Variants in YAF2 observed in about 807,000 individuals in gnomAD.
YAF2 encodes the protein YY1 associated factor 2, also known as YY1-associated factor 2.
Under a neutral mutation model 20.1 loss-of-function variants are expected in YAF2, and 7 were observed. The observed-to-expected ratio is 0.35, with a 90% confidence interval of 0.20 to 0.65. The LOEUF (loss-of-function observed/expected upper bound fraction) is 0.65. Ranked by LOEUF, YAF2 falls within the 30% of genes least tolerant of loss-of-function variation. The pLI, the probability that YAF2 is intolerant of heterozygous loss-of-function variation, is 0.69. For synonymous variants in YAF2, 74 were observed against 76.0 expected, an observed-to-expected ratio of 0.97 and a Z score of 0.14; for missense variants, 151 against 219.2, an observed-to-expected ratio of 0.69 and a Z score of 1.96.
chr12:42,226,744 A>G (rs1178337551), intron 2 of YAF2, among the ~76,000 whole-genome samples: 1 of 152,266 alleles, frequency 6.6e-6, no homozygotes, highest in East Asian at 1.9e-4. Context: ...ATTTTTACAA[A>G]CATAGTGTTC....
intron 2 of YAF2, among the ~76,000 whole-genome samples, chr12:42,185,798 G>A (rs1213582431): frequency 1.3e-5 from 2 of 152,166 alleles, no homozygotes; most frequent in Non-Finnish European, 1.5e-5. Context: ...ACTTTTATAT[G>A]AACTAGGAAA....
chr12:42,182,671 G>A (rs1175871987), intron 2 of YAF2, among the ~76,000 whole-genome samples: 3 of 152,144 alleles, frequency 2.0e-5, no homozygotes, highest in African/African-American at 4.8e-5. Flanking sequence ...CACTCAATGA[G>A]GTCAGAACGG....
rs138818732 is a variant in YAF2, at chr12:42,215,096, T to A, written c.152+22503A>T. Reference sequence around the variant, plus strand: ...TAACTCCATTACCTAGCCCAGCACCTGTCTCAAAATACCATTTTAATGTTT... The same window carrying A: ...TAACTCCATTACCTAGCCCAGCACCAGTCTCAAAATACCATTTTAATGTTT... On this transcript the variant is annotated intron_variant, in intron 2 of 3. Coordinates refer to ENST00000534854, the MANE Select transcript of YAF2 (RefSeq NM_005748.6). 2.0e-5 allele frequency among the ~76,000 whole-genome samples: 3 copies of A among 152,344 alleles called. No homozygotes were observed. In the East Asian group the frequency reaches 5.8e-4, roughly 29 times the overall value.
At chr12:42,203,603 GT>G (rs1158331491) in intron 2 of YAF2, among the ~76,000 whole-genome samples, 1 of 151,802 alleles carries the variant, frequency 6.6e-6, no homozygotes, top group Non-Finnish European at 1.5e-5. Flanking sequence ...ACTTTAATGG[GT>G]ATTGAGTTTT....
intron 2 of YAF2, among the ~76,000 whole-genome samples, chr12:42,184,825 T>C (rs1488846373): frequency 6.6e-6 from 1 of 152,164 alleles, no homozygotes; most frequent in African/African-American, 2.4e-5. Context: ...CATGGATGAC[T>C]GAATGGTTCA....
chr12:42,198,800 T>C (rs1480239593), intron 2 of YAF2, among the ~76,000 whole-genome samples: 1 of 152,060 alleles, frequency 6.6e-6, no homozygotes, highest in Non-Finnish European at 1.5e-5. Context: ...TGAGGTGCCT[T>C]TATTGAAGAG....
chr12:42,230,370 A>G (rs752062859), intron 2 of YAF2, among the ~76,000 whole-genome samples: 1 of 152,238 alleles, frequency 6.6e-6, no homozygotes, highest in Non-Finnish European at 1.5e-5. Flanking sequence ...TGGGATAAGC[A>G]GCAGGAAATG....
chr12:42,186,648 G>T (rs949232869), intron 2 of YAF2, among the ~76,000 whole-genome samples: 1 of 151,852 alleles, frequency 6.6e-6, no homozygotes. Flanking sequence ...TTGCACTCTA[G>T]CATGGGTGAC....
chr12:42,193,268 T>C (rs889939915), intron 2 of YAF2, among the ~76,000 whole-genome samples: 2 of 151,168 alleles, frequency 1.3e-5, no homozygotes, highest in Non-Finnish European at 2.9e-5. Flanking sequence ...TGAACCGAGA[T>C]TGCGCTGCTG....
intron 2 of YAF2, among the ~76,000 whole-genome samples, chr12:42,176,391 G>T (rs914525518): frequency 6.6e-6 from 1 of 151,996 alleles, no homozygotes; most frequent in Non-Finnish European, 1.5e-5. Flanking sequence ...AAAGTGCTGG[G>T]ATTACAGGGG....
Position 42,160,314 on chromosome 12 carries a change from G to A in YAF2, c.*275C>T, listed in dbSNP as rs2065772381. On this transcript the variant is annotated 3_prime_UTR_variant, in exon 4 of 4. Coordinates refer to ENST00000534854, the MANE Select transcript of YAF2 (RefSeq NM_005748.6). ...TGTGTTAGAATTCACTAAACTAAAA[G>A]TGAAAATACACTTACCAATAACACT... 1 of 332,550 alleles carries A rather than the reference G, an allele frequency of 3.0e-6. No individual in the cohort carries two copies. The highest frequency in any genetic ancestry group is 4.5e-5 in the Admixed American group (1 of 22,240). The allele number at this position is 332,550 out of a possible 1,614,324, so 20.6% of individuals were successfully genotyped here. A position where few individuals can be genotyped will look rare whatever the true frequency, so the allele number is the denominator to read the frequency against.
intron 2 of YAF2, among the ~76,000 whole-genome samples, chr12:42,173,192 A>G (rs1327109146): frequency 1.3e-5 from 2 of 152,214 alleles, no homozygotes; most frequent in African/African-American, 2.4e-5. Flanking sequence ...CCTGGGCTCA[A>G]GAGATCTTTC....
intron 2 of YAF2, among the ~76,000 whole-genome samples, chr12:42,202,779 C>A (rs1255263340): frequency 6.6e-6 from 1 of 152,118 alleles, no homozygotes; most frequent in East Asian, 1.9e-4. Flanking sequence ...GCTGGGATTA[C>A]AGGCACATGC....
chr12:42,163,431 G>A (rs2065842778), intron 2 of YAF2, among the ~76,000 whole-genome samples: 1 of 152,206 alleles, frequency 6.6e-6, no homozygotes, highest in African/African-American at 2.4e-5. Context: ...GTAAAAATGT[G>A]AGACTAGTGG....
rs919565201 is a variant in YAF2, at chr12:42,159,070, G to C, written c.*1519C>G. 1.3e-5 allele frequency: 2 copies of C among 152,048 alleles called. No homozygotes were observed. Among genetic ancestry groups the C allele is most frequent in the Non-Finnish European group, 1.5e-5 (1 of 67,972 alleles). 9.4% of individuals were successfully genotyped at this position (152,048 alleles called of 1,614,324 possible). On this transcript the variant is annotated 3_prime_UTR_variant, in exon 4 of 4. Coordinates refer to ENST00000534854, the MANE Select transcript of YAF2 (RefSeq NM_005748.6). ...AATGTTTTAATCACAGACTTTTACTGTATGCAATTAATTGTATTTCACAAC... is the reference window on the plus strand; with the variant it reads ...AATGTTTTAATCACAGACTTTTACTCTATGCAATTAATTGTATTTCACAAC...
At chr12:42,229,713 T>C (rs2067920237) in intron 2 of YAF2, among the ~76,000 whole-genome samples, 1 of 152,264 alleles carries the variant, frequency 6.6e-6, no homozygotes, top group African/African-American at 2.4e-5. Flanking sequence ...CTAGGCTATA[T>C]GGTAGAGCCT....
intron 2 of YAF2, among the ~76,000 whole-genome samples, chr12:42,197,032 C>A (rs2137133555): frequency 6.6e-6 from 1 of 152,340 alleles, no homozygotes; most frequent in East Asian, 1.9e-4. Flanking sequence ...AAGTACTTCA[C>A]ATTTCATTGT....
At chr12:42,188,358 T>C (rs1046849688) in intron 2 of YAF2, among the ~76,000 whole-genome samples, 2 of 151,656 alleles carry the variant, frequency 1.3e-5, no homozygotes, top group Non-Finnish European at 2.9e-5. Context: ...CTATATGCTC[T>C]GAACTTTGAA....
intron 2 of YAF2, among the ~76,000 whole-genome samples, chr12:42,165,358 A>G (rs986960149): frequency 3.3e-5 from 5 of 152,224 alleles, no homozygotes; most frequent in African/African-American, 1.2e-4. Flanking sequence ...CGACTTCATT[A>G]AGCATTTTAT....
Sources: gnomAD v4.1 joint callset for allele counts (sites outside exome capture counted in the v4.1 genomes callset) on GRCh38, gnomAD v4.1.1 for gene constraint, MANE v1.5 for transcripts, NCBI Gene and HGNC (gene_info 2026-07-23, HGNC 2026-07-21) for gene names.